Variants in SFMBT2 observed in about 807,000 individuals in gnomAD.
SFMBT2 encodes Scm like with four mbt domains 2.
Under a neutral mutation model 110.1 loss-of-function variants are expected in SFMBT2, and 38 were observed. That is an observed-to-expected ratio of 0.35 (90% confidence interval 0.27 to 0.45). SFMBT2 has a LOEUF of 0.45. Ranked by LOEUF, SFMBT2 falls within the 20% of genes least tolerant of loss-of-function variation. SFMBT2 has a pLI of 1.00. For missense variants in SFMBT2, 1,011 were observed against 1,094.9 expected (o/e 0.92, Z 1.08); for synonymous variants, 425 against 425.4 (o/e 1.00, Z 0.01).
intron 11 of SFMBT2, among the ~76,000 whole-genome samples, chr10:7,208,100 G>A (rs960000475): frequency 5.9e-5 from 9 of 152,070 alleles, no homozygotes; most frequent in African/African-American, 2.2e-4. Flanking sequence ...ATTGCTAAAG[G>A]AATCAAACAA....
At chr10:7,385,277 G>C (rs1053356862) in intron 1 of SFMBT2, among the ~76,000 whole-genome samples, 1 of 152,206 alleles carries the variant, frequency 6.6e-6, no homozygotes, top group African/African-American at 2.4e-5. Flanking sequence ...ACAGGATCAC[G>C]TGGTCACTGA....
intron 11 of SFMBT2, among the ~76,000 whole-genome samples, chr10:7,220,117 T>A (rs552118015): frequency 6.6e-6 from 1 of 152,320 alleles, no homozygotes; most frequent in African/African-American, 2.4e-5. Flanking sequence ...TGACTCACAT[T>A]AATTTAATTG....
At chr10:7,376,727 C>CAAAA (rs35816107) in intron 2 of SFMBT2, among the ~76,000 whole-genome samples, 49 of 44,730 alleles carry the variant, frequency 1.1e-3, no homozygotes, top group African/African-American at 2.2e-3. Flanking sequence ...GGCCCTCCCA[C>CAAAA]AAAAAAAAAA....
At chr10:7,272,528 T>C (rs745908474) in intron 7 of SFMBT2, among the ~76,000 whole-genome samples, 20 of 151,958 alleles carry the variant, frequency 1.3e-4, no homozygotes, top group East Asian at 1.9e-4. Flanking sequence ...CAGAGGCAGT[T>C]AGACGCCCCC....
At chr10:7,198,491 CCA>C (rs1389799655) in intron 14 of SFMBT2, among the ~76,000 whole-genome samples, 1 of 152,214 alleles carries the variant, frequency 6.6e-6, no homozygotes, top group Non-Finnish European at 1.5e-5. Context: ...ACGCCATTCT[CCA>C]CAGTGACTAC....
At chr10:7,347,310 C>A (rs1022977906) in intron 4 of SFMBT2, among the ~76,000 whole-genome samples, 1 of 152,140 alleles carries the variant, frequency 6.6e-6, no homozygotes, top group Non-Finnish European at 1.5e-5. Context: ...TTCCACCATG[C>A]AGACATGGAA....
intron 6 of SFMBT2, among the ~76,000 whole-genome samples, chr10:7,280,879 T>C (rs902797763): frequency 9.2e-5 from 14 of 152,344 alleles, no homozygotes; most frequent in African/African-American, 3.1e-4. Flanking sequence ...GCTAACTTCC[T>C]AGCTACTTTC....
chr10:7,396,281 G>C (rs1454640042), intron 1 of SFMBT2, among the ~76,000 whole-genome samples: 3 of 152,216 alleles, frequency 2.0e-5, no homozygotes, highest in Non-Finnish European at 4.4e-5. Flanking sequence ...TGGTATCTCT[G>C]AGCACACAGT....
intron 2 of SFMBT2, among the ~76,000 whole-genome samples, chr10:7,371,513 T>C (rs577829603): frequency 6.6e-6 from 1 of 152,178 alleles, no homozygotes; most frequent in African/African-American, 2.4e-5. Flanking sequence ...AGGCTACATA[T>C]ACGATAAAAC....
chr10:7,268,396 T>G (rs1206165368), intron 7 of SFMBT2, among the ~76,000 whole-genome samples: 1 of 152,218 alleles, frequency 6.6e-6, no homozygotes, highest in East Asian at 1.9e-4. Context: ...AAAGCTTTTA[T>G]GGAAACTGGG....
chr10:7,363,841 C>CT (rs1414079534), intron 4 of SFMBT2, among the ~76,000 whole-genome samples: 3 of 152,252 alleles, frequency 2.0e-5, no homozygotes. Context: ...TTATACCACT[C>CT]TGACTCCTGG....
At chr10:7,268,134 C>T (rs889957396) in intron 7 of SFMBT2, among the ~76,000 whole-genome samples, 13 of 152,178 alleles carry the variant, frequency 8.5e-5, no homozygotes, top group Non-Finnish European at 1.0e-4. Context: ...AAATGTCAGA[C>T]ACGTGACATG....
At chr10:7,174,841 C>G (rs192858556) in intron 17 of SFMBT2, among the ~76,000 whole-genome samples, 1 of 152,206 alleles carries the variant, frequency 6.6e-6, no homozygotes, top group African/African-American at 2.4e-5. Context: ...AACACACCTG[C>G]GGGCCCTACC....
At chr10:7,243,147 T>C (rs752240830) in intron 9 of SFMBT2, among the ~76,000 whole-genome samples, 14 of 152,192 alleles carry the variant, frequency 9.2e-5, no homozygotes, top group Non-Finnish European at 1.6e-4. Flanking sequence ...TGAAAGCAAA[T>C]TGACTCTGGA....
At chr10:7,206,028 A>G in intron 11 of SFMBT2, 100 bp from the exon 12 acceptor site, 1 of 1,501,096 alleles carries the variant, frequency 6.7e-7, no homozygotes, top group East Asian at 2.4e-5. Context: ...GGGGAAAAAC[A>G]TTCCTTTATA....
Position 7,367,824 on chromosome 10 carries a change from G to A in SFMBT2, c.261C>T (p.Asn87=), listed in dbSNP as rs761018074. Residue 87 remains asparagine (N), a synonymous_variant, in exon 4 of 21, where the codon AAC becomes AAT. Transcript: ENST00000397167. This position sits in a 1 kb window ranked among gnomAD's most constrained non-coding sequence, Gnocchi z 6.2. The stretch of plus-strand genomic sequence containing the variant: ...TCGTGGCCACCCAGTACGTGTCCGG[G>A]TTGTTCTTATTAGCCACTTCCAATT... ...GMKLEVANKN[N]PDTYWVATII... The A allele has an allele frequency of 3.9e-5, 63 of 1,614,038 alleles. No individual in the cohort carries two copies. The highest frequency in any genetic ancestry group is 3.3e-4 in the Middle Eastern group (2 of 6,074).
At chr10:7,219,058 T>G (rs1007181131) in intron 11 of SFMBT2, among the ~76,000 whole-genome samples, 1 of 152,210 alleles carries the variant, frequency 6.6e-6, no homozygotes, top group African/African-American at 2.4e-5. Flanking sequence ...GTTTTCAAAT[T>G]AATAATGCAA....
intron 7 of SFMBT2, among the ~76,000 whole-genome samples, chr10:7,253,573 T>G (rs1051218053): frequency 1.3e-5 from 2 of 152,214 alleles, no homozygotes; most frequent in African/African-American, 4.8e-5. Context: ...GAAATGCATC[T>G]GTTTTTCCTT....
intron 15 of SFMBT2, among the ~76,000 whole-genome samples, chr10:7,195,396 A>G (rs1838736062): frequency 6.6e-6 from 1 of 152,138 alleles, no homozygotes; most frequent in Non-Finnish European, 1.5e-5. Flanking sequence ...TTAGCTGTGA[A>G]TTTCTCATAT....
Sources: allele counts gnomAD v4.1 joint callset (sites outside exome capture counted in the v4.1 genomes callset), GRCh38; gene constraint gnomAD v4.1.1; non-coding constraint Gnocchi (gnomAD v3.1); transcripts MANE v1.5; gene names NCBI Gene and HGNC (gene_info 2026-07-23, HGNC 2026-07-21).